COL21A1: variants seen among roughly 807,000 people sequenced by gnomAD.
COL21A1 encodes the protein collagen alpha-1(XXI) chain.
COL21A1 carries 149 observed loss-of-function variants against 137.9 expected under a neutral mutation model. The observed-to-expected ratio is 1.08, with a 90% CI of 0.95 to 1.24. The LOEUF is 1.24. COL21A1 is among the 50% of genes most tolerant of loss of function. The probability of loss-of-function intolerance (pLI) is 0.00; values close to 1 mark genes in which losing one functional copy is unlikely to be tolerated. For synonymous variants in COL21A1, 456 were observed against 391.5 expected (o/e 1.16, Z -1.95); for missense variants, 1,167 against 1,158.4 (o/e 1.01, Z -0.11).
chr6:56,097,163 G>C (rs1769400724), intron 17 of COL21A1, among the ~76,000 whole-genome samples: 2 of 152,054 alleles, frequency 1.3e-5, no homozygotes. Flanking sequence ...AGGAAACTTG[G>C]CTTCCTCTTT....
chr6:56,172,039 CATACCA>C (rs1777102751), intron 3 of COL21A1, among the ~76,000 whole-genome samples: 1 of 145,752 alleles, frequency 6.9e-6, no homozygotes, highest in African/African-American at 2.6e-5. Context: ...CACCATCAAG[CATACCA>C]ATATATGCAT....
intron 1 of COL21A1, among the ~76,000 whole-genome samples, chr6:56,370,271 A>C (rs1328591508): frequency 6.6e-6 from 1 of 151,964 alleles, no homozygotes; most frequent in African/African-American, 2.4e-5. Flanking sequence ...ATCTGGAAAA[A>C]CCTGTCTCTG....
chr6:56,362,490 AC>A (rs1366192013), intron 1 of COL21A1, among the ~76,000 whole-genome samples: 1 of 152,228 alleles, frequency 6.6e-6, no homozygotes, highest in African/African-American at 2.4e-5. Flanking sequence ...AAATATTGAG[AC>A]TTTTACTAAA....
At chr6:56,169,962 T>C (rs1214270717) in intron 5 of COL21A1, among the ~76,000 whole-genome samples, 1 of 151,930 alleles carries the variant, frequency 6.6e-6, no homozygotes, top group Admixed American at 6.6e-5. Flanking sequence ...ACTTTATATA[T>C]ATTACCATAT....
At chr6:56,210,689 G>T (rs1925141) in intron 1 of COL21A1, among the ~76,000 whole-genome samples, 117,519 of 152,076 alleles carry the variant, frequency 0.77, 46,400 homozygotes, top group African/African-American at 0.93. Context: ...TTCTGTGAAT[G>T]GCTTTTGCCA....
chr6:56,179,309 A>G (rs949440759), intron 3 of COL21A1, among the ~76,000 whole-genome samples: 1 of 152,144 alleles, frequency 6.6e-6, no homozygotes, highest in Non-Finnish European at 1.5e-5. Context: ...TATAATTGAA[A>G]GGAAAAATAA....
intron 1 of COL21A1, among the ~76,000 whole-genome samples, chr6:56,376,542 G>A (rs1025807584): frequency 1.1e-4 from 17 of 151,984 alleles, no homozygotes; most frequent in Non-Finnish European, 2.4e-4. Flanking sequence ...AACAAAGAGA[G>A]GCAGGCTCTA....
chr6:56,226,626 A>G (rs1030765039), intron 1 of COL21A1, among the ~76,000 whole-genome samples: 1 of 151,992 alleles, frequency 6.6e-6, no homozygotes, highest in Non-Finnish European at 1.5e-5. Context: ...TTTGAGTCAC[A>G]CTGTGAAACC....
intron 1 of COL21A1, among the ~76,000 whole-genome samples, chr6:56,322,857 C>T (rs1303481967): frequency 3.7e-5 from 5 of 134,914 alleles, no homozygotes; most frequent in Admixed American, 1.7e-4. Flanking sequence ...ACCCAGAGGT[C>T]GATGGATCAA....
chr6:56,152,748 A>G (rs1775422833), intron 10 of COL21A1, among the ~76,000 whole-genome samples: 1 of 149,660 alleles, frequency 6.7e-6, no homozygotes, highest in South Asian at 2.1e-4. Flanking sequence ...ACTTCCAAAC[A>G]TTACCCAGGA....
chr6:56,369,536 T>C (rs1167630729), intron 1 of COL21A1, among the ~76,000 whole-genome samples: 1 of 152,110 alleles, frequency 6.6e-6, no homozygotes, highest in African/African-American at 2.4e-5. Flanking sequence ...TGTATGTGAC[T>C]GCAAAAGAAT....
chr6:56,275,254 A>C (rs1048297303), intron 1 of COL21A1, among the ~76,000 whole-genome samples: 5 of 152,210 alleles, frequency 3.3e-5, no homozygotes, highest in African/African-American at 1.2e-4. Flanking sequence ...CTCAAACTAT[A>C]AAAATCCTAG....
In COL21A1 at chr6:56,278,749, G is replaced by A. The variant is rs536772279; in HGVS notation, c.-38-96093C>T. Among the ~76,000 whole-genome samples, 21 of 152,222 alleles carry A rather than the reference G, an allele frequency of 1.4e-4. 1 individual carries two copies. The South Asian group carries it at 3.7e-3, about 27-fold the overall frequency. On this transcript the variant is annotated intron_variant, in intron 1 of 28. Transcript: ENST00000370819. Reference sequence around the variant, plus strand: ...GCAATTTCCCCATGTCACACCGATTGGTGGTGAATGATTGAACCTGTGTTG... The same window carrying A: ...GCAATTTCCCCATGTCACACCGATTAGTGGTGAATGATTGAACCTGTGTTG...
chr6:56,097,973 A>ATG, intron 17 of COL21A1, among the ~76,000 whole-genome samples: 1 of 70,074 alleles, frequency 1.4e-5, no homozygotes, highest in South Asian at 4.4e-4. Context: ...ATAAATATAT[A>ATG]AATATATATA....
At chr6:56,196,706 A>G (rs1469600085) in intron 1 of COL21A1, among the ~76,000 whole-genome samples, 1 of 152,148 alleles carries the variant, frequency 6.6e-6, no homozygotes, top group Admixed American at 6.6e-5. Flanking sequence ...GATGAAAGAA[A>G]TTGAAGAAGA....
intron 1 of COL21A1, among the ~76,000 whole-genome samples, chr6:56,191,207 C>A (rs1362474115): frequency 6.6e-6 from 1 of 152,104 alleles, no homozygotes; most frequent in South Asian, 2.1e-4. Flanking sequence ...TAGAAAAACC[C>A]ATTGTCTCAG....
At chr6:56,063,927 C>A (rs1307487214) in intron 24 of COL21A1, among the ~76,000 whole-genome samples, 1 of 152,120 alleles carries the variant, frequency 6.6e-6, no homozygotes, top group Non-Finnish European at 1.5e-5. Context: ...CTACAAGCAA[C>A]ACAGCAGCAA....
intron 25 of COL21A1, 31 bp downstream of exon 25, chr6:56,061,618 G>A: frequency 1.3e-6 from 2 of 1,524,128 alleles, no homozygotes; most frequent in Non-Finnish European, 1.8e-6. Context: ...AAGAAAGAGA[G>A]CAAGAGAGCA....
intron 1 of COL21A1, among the ~76,000 whole-genome samples, chr6:56,213,652 C>T (rs1359429017): frequency 1.3e-5 from 2 of 151,690 alleles, no homozygotes; most frequent in Non-Finnish European, 2.9e-5. Flanking sequence ...ATTTTCCCTC[C>T]GTAGAGCACT....
Sources: allele counts gnomAD v4.1 joint callset (sites outside exome capture counted in the v4.1 genomes callset), GRCh38; gene constraint gnomAD v4.1.1; transcripts MANE v1.5; gene names NCBI Gene and HGNC (gene_info 2026-07-23, HGNC 2026-07-21).